MMAA: variants seen among roughly 807,000 people sequenced by gnomAD.
The protein encoded by MMAA is metabolism of cobalamin associated A, also known as methylmalonic aciduria type A protein, mitochondrial.
In MMAA, 41 loss-of-function variants were observed where a neutral mutation model predicts 45.0. The ratio of observed to expected loss-of-function variants is 0.91; its 90% confidence interval spans 0.71 to 1.18. The LOEUF (loss-of-function observed/expected upper bound fraction) is 1.18. MMAA is among the 50% of genes most tolerant of loss of function. MMAA has a pLI of 0.00. For missense variants in MMAA, 460 were observed against 495.7 expected (o/e 0.93, Z 0.68); for synonymous variants, 154 against 178.2 (o/e 0.86, Z 1.08).
intron 4 of MMAA, among the ~76,000 whole-genome samples, chr4:145,649,982 C>T (rs546266771): frequency 6.6e-6 from 1 of 152,264 alleles, no homozygotes; most frequent in Admixed American, 6.5e-5. Context: ...CACTACATCA[C>T]CCGGGCTGGA....
chr4:145,645,937 T>G, intron 3 of MMAA, 49 bp from the exon 4 acceptor site: 1 of 1,592,734 alleles, frequency 6.3e-7, no homozygotes, highest in Non-Finnish European at 8.6e-7. Context: ...GGCTGATAAT[T>G]GACCCGTAAA....
intron 1 of MMAA, among the ~76,000 whole-genome samples, chr4:145,632,308 T>G (rs1437926992): frequency 6.6e-6 from 1 of 152,242 alleles, no homozygotes; most frequent in Non-Finnish European, 1.5e-5. Context: ...CTTCAGCACT[T>G]TAAGTAGGTT....
intron 3 of MMAA, chr4:145,642,759 T>C: frequency 2.4e-6 from 1 of 422,740 alleles, no homozygotes; most frequent in South Asian, 2.2e-5. Context: ...CAAATTTCAG[T>C]CCTTCAGCTT....
At chr4:145,639,854 G>A in intron 2 of MMAA, 1 of 981,794 alleles carries the variant, frequency 1.0e-6, no homozygotes, top group Non-Finnish European at 1.2e-6. Context: ...AATATTCATA[G>A]GAAGAACTAC....
At chr4:145,645,841 A>G (rs1237051726) in intron 3 of MMAA, 145 bp from the exon 4 acceptor site, 7 of 716,970 alleles carry the variant, frequency 9.8e-6, no homozygotes, top group African/African-American at 7.0e-5. Context: ...ATCATTGTAT[A>G]CAATGAGTTG....
rs1485661234 is a variant in MMAA, at chr4:145,646,105, A to G, written c.682A>G (p.Ile228Val). The G allele has an allele frequency of 1.2e-6, 2 of 1,614,116 alleles. No homozygotes were observed. The highest frequency in any genetic ancestry group is 1.1e-5 in the South Asian group (1 of 91,086). ...CGTGACAAGGACCACAAATGAAGCT[A>G]TTCTGTTGTGTGAAGGAGCGGGATA... ...GGVTRTTNEA[I>V]LLCEGAGYDI... Residue 228 changes from isoleucine (I) to valine (V), a missense_variant, in exon 4 of 7, where the codon ATT becomes GTT. Transcript: ENST00000649156.
intron 1 of MMAA, chr4:145,624,034 T>C: frequency 1.3e-6 from 1 of 759,742 alleles, no homozygotes; most frequent in Admixed American, 1.8e-5. Flanking sequence ...TAGTTCAAAA[T>C]TAGGCAGGAG....
At chr4:145,624,274 T>C (rs1291693064) in intron 1 of MMAA, 1 of 798,070 alleles carries the variant, frequency 1.3e-6, no homozygotes, top group Non-Finnish European at 2.3e-6. Context: ...GAAGTTATAT[T>C]CCTCCTGTAG....
In MMAA at chr4:145,655,425, C is replaced by A; in HGVS notation, c.1248C>A (p.Ser416Arg). The change falls in exon 7 of 7, where the codon AGC becomes AGA. Residue 416 changes from serine (S) to arginine (R), a missense_variant. By Grantham distance (110) the Ser-to-Arg change is moderately radical. Transcript: ENST00000649156. ...ACTTCTTGTTAAAAGCTTTTAAAAG[C>A]AGAGACTAATAAAATTCATCCTGTA... Reference protein sequence around the residue: ...AADFLLKAFKSRD With the variant: ...AADFLLKAFKRRD The A allele has an allele frequency of 6.2e-7, 1 of 1,610,454 alleles. No individual in the cohort carries two copies. The highest frequency in any genetic ancestry group is 8.5e-7 in the Non-Finnish European group (1 of 1,178,758).
intron 1 of MMAA, chr4:145,626,054 T>G: frequency 9.4e-7 from 1 of 1,069,238 alleles, no homozygotes; most frequent in Non-Finnish European, 1.4e-6. Context: ...CAGCTCCAGG[T>G]CCCAGTGCCT....
chr4:145,649,470 A>G (rs951679137), intron 4 of MMAA, among the ~76,000 whole-genome samples: 1 of 152,222 alleles, frequency 6.6e-6, no homozygotes, highest in Non-Finnish European at 1.5e-5. Context: ...TCTGACTGAC[A>G]CTTCCATGTT....
chr4:145,629,766 A>G (rs1734290027), intron 1 of MMAA, among the ~76,000 whole-genome samples: 1 of 152,202 alleles, frequency 6.6e-6, no homozygotes, highest in Non-Finnish European at 1.5e-5. Flanking sequence ...CAGAAAGAGA[A>G]CTTGTGCAGG....
At position 145,658,819 on chromosome 4, in the gene MMAA, C is replaced by T. The variant is rs1296968983; in HGVS notation, c.*3385C>T. The T allele has an allele frequency of 1.3e-5, 2 of 152,066 alleles. No homozygotes were observed. Among genetic ancestry groups the T allele is most frequent in the African/African-American group, 2.4e-5 (1 of 41,416 alleles). The allele number at this position is 152,066 out of a possible 1,614,324, so 9.4% of individuals were successfully genotyped here. ...GTAAACTACCAGTAAACTGTGAAGA[C>T]AGAAGTAACTCCTGTGATCTATATG... On this transcript the variant is annotated 3_prime_UTR_variant, in exon 7 of 7. Coordinates refer to ENST00000649156, the MANE Select transcript of MMAA (RefSeq NM_172250.3).
intron 1 of MMAA, chr4:145,625,573 T>A: frequency 1.3e-6 from 1 of 768,586 alleles, no homozygotes; most frequent in Middle Eastern, 2.6e-4. Flanking sequence ...TTGAGAGACC[T>A]AAATATGGTG....
At chr4:145,650,719 A>G in intron 4 of MMAA, 2 of 316,208 alleles carry the variant, frequency 6.3e-6, no homozygotes, top group Non-Finnish European at 6.0e-6. Flanking sequence ...AGATGAAAGT[A>G]TTTGTAGGCA....
intron 1 of MMAA, 71 bp from the exon 2 acceptor site, chr4:145,639,004 G>T: frequency 1.3e-6 from 1 of 788,992 alleles, no homozygotes; most frequent in South Asian, 1.6e-5. Flanking sequence ...GAAACACTAG[G>T]CTTTCAAATT....
At position 145,659,491 on chromosome 4, in the gene MMAA, G is replaced by A. The variant is rs1342086063; in HGVS notation, c.*4057G>A. 3 of 152,138 alleles carry A rather than the reference G, an allele frequency of 2.0e-5. No homozygotes were observed. The highest frequency in any genetic ancestry group is 7.2e-5 in the African/African-American group (3 of 41,424). 9.4% of individuals were successfully genotyped at this position (152,138 alleles called of 1,614,324 possible). ...TCAGCTTCTTGATAGAGTGAGGTGAGGGCATATGTAAGTCAGTAAACTATT... is the reference window on the plus strand; with the variant it reads ...TCAGCTTCTTGATAGAGTGAGGTGAAGGCATATGTAAGTCAGTAAACTATT... On this transcript the variant is annotated 3_prime_UTR_variant, in exon 7 of 7. Coordinates refer to ENST00000649156, the MANE Select transcript of MMAA (RefSeq NM_172250.3).
chr4:145,630,593 C>T lies in MMAA; in HGVS notation c.-65-8482C>T, dbSNP rs188348903. Among the ~76,000 whole-genome samples the T allele has an allele frequency of 5.5e-3, 843 of 152,156 alleles. 5 individuals carry two copies. Among genetic ancestry groups the T allele is most frequent in the African/African-American group, 0.016 (684 of 41,500 alleles). ...AAAAAACAAAATTAGCCGGGCATGG[C>T]GGCACATGCCTGTAATCCCAGCTAC... is the stretch of plus-strand genomic sequence containing the variant. On this transcript the variant is annotated intron_variant, in intron 1 of 6. Transcript: ENST00000649156.
intron 1 of MMAA, among the ~76,000 whole-genome samples, chr4:145,634,555 C>G (rs776400159): frequency 2.0e-5 from 3 of 151,928 alleles, no homozygotes; most frequent in Admixed American, 6.6e-5. Flanking sequence ...TTCTCTACCC[C>G]ACTGTGGCCA....
Sources: gnomAD v4.1 joint callset for allele counts (sites outside exome capture counted in the v4.1 genomes callset) on GRCh38, gnomAD v4.1.1 for gene constraint, MANE v1.5 for transcripts, NCBI Gene and HGNC (gene_info 2026-07-23, HGNC 2026-07-21) for gene names.